CLUH: variants seen among roughly 807,000 people sequenced by gnomAD.
CLUH encodes clustered mitochondria protein homolog.
Under a neutral mutation model 139.3 loss-of-function variants are expected in CLUH, and 77 were observed. That is an observed-to-expected ratio of 0.55 (90% CI 0.46 to 0.67). CLUH has a LOEUF of 0.67. Among genes scored for constraint, CLUH ranks in the 30% least tolerant of loss-of-function variants. The pLI, the probability that CLUH is intolerant of heterozygous loss-of-function variation, is 0.00. For synonymous variants in CLUH, 999 were observed against 801.6 expected (o/e 1.25, Z -4.16); for missense variants, 1,876 against 1,875.8 (o/e 1.00, Z 0.00).
Position 2,695,299 on chromosome 17 carries a change from G to A in CLUH, c.2545-19C>T. ...CGATTTTCTGGAAGGATTCAGAAGGGAGGTCTTGGTCAGGCCCCCGGCCTC... is the reference window on the plus strand; with the variant it reads ...CGATTTTCTGGAAGGATTCAGAAGGAAGGTCTTGGTCAGGCCCCCGGCCTC... On this transcript the variant is annotated intron_variant, in intron 14 of 25. Transcript: ENST00000651024. 6.2e-7 allele frequency: 1 copy of A among 1,613,736 alleles called. No homozygotes were observed. Among genetic ancestry groups the A allele is most frequent in the African/African-American group, 1.3e-5 (1 of 75,044 alleles).
chr17:2,708,111 G>A (rs2070400402), intron 1 of CLUH: 1 of 572,608 alleles, frequency 1.7e-6, no homozygotes, highest in East Asian at 1.4e-4. Flanking sequence ...CGCCTTCCCA[G>A]GGCCTCTGAC....
chr17:2,691,385 A>C (rs1334238540), intron 25 of CLUH, among the ~76,000 whole-genome samples: 5 of 152,092 alleles, frequency 3.3e-5, no homozygotes, highest in African/African-American at 9.7e-5. Context: ...AACGTGGTGA[A>C]ACCCCATCTC....
rs749243306 is a variant in CLUH, at chr17:2,694,982, A to G, written c.2727T>C (p.Asn909=). Reference sequence around the variant, plus strand: ...CCGGGGGCCGGTTTTTCCTCCTCTTATTCCGCTTCTTGGAGACCAGCTCGT... The same window carrying G: ...CCGGGGGCCGGTTTTTCCTCCTCTTGTTCCGCTTCTTGGAGACCAGCTCGT... ...PADELVSKKR[N]KRRKNRPPGA... is the part of the protein sequence containing the mutation. Residue 909 remains asparagine (N), a synonymous_variant, in exon 16 of 26, where the codon AAT becomes AAC. Coordinates refer to ENST00000651024, the MANE Select transcript of CLUH (RefSeq NM_001366661.1). 1.2e-6 allele frequency: 2 copies of G among 1,613,364 alleles called. No homozygotes were observed. Among genetic ancestry groups the G allele is most frequent in the South Asian group, 2.2e-5 (2 of 91,022 alleles).
rs1338180164 is a variant in CLUH, at chr17:2,704,190, G to A, written c.303+172C>T. On this transcript the variant is annotated intron_variant, in intron 2 of 25. Transcript: ENST00000651024. This position sits in a 1 kb window ranked among gnomAD's most constrained non-coding sequence, Gnocchi z 5.7. Reference sequence around the variant, plus strand: ...GCAATGGGGCAACGACCTGACCCTGGGCTCGATTCCCACGTCCACCACGCT... The same window carrying A: ...GCAATGGGGCAACGACCTGACCCTGAGCTCGATTCCCACGTCCACCACGCT... Among the ~76,000 whole-genome samples the A allele has an allele frequency of 1.3e-5, 2 of 152,146 alleles. No individual in the cohort carries two copies. Among genetic ancestry groups the A allele is most frequent in the African/African-American group, 2.4e-5 (1 of 41,416 alleles).
intron 1 of CLUH, among the ~76,000 whole-genome samples, chr17:2,709,082 C>G (rs2070437537): frequency 6.6e-6 from 1 of 152,206 alleles, no homozygotes; most frequent in Non-Finnish European, 1.5e-5. Context: ...ACACCCTTGC[C>G]CCGGCCTGGA....
In CLUH at chr17:2,691,711, G is replaced by C. The variant is rs761930739; in HGVS notation, c.3790-29C>G. The C allele has an allele frequency of 4.4e-6, 7 of 1,607,892 alleles. No homozygotes were observed. The South Asian group carries it at 5.5e-5, about 13-fold the overall frequency. On this transcript the variant is annotated intron_variant, in intron 24 of 25. Transcript: ENST00000651024. ...CGGGGCGGGGAAACCAGCGGTGAGC[G>C]GGGCTCCCGCGCTCGCCGGGCCGGA...
Position 2,711,654 on chromosome 17 carries a change from A to T in CLUH, c.8T>A (p.Ile3Asn). 1 of 984,362 alleles carries T rather than the reference A, an allele frequency of 1.0e-6. No homozygotes were observed. The highest frequency in any genetic ancestry group is 1.2e-6 in the Non-Finnish European group (1 of 829,412). The allele number at this position is 984,362 out of a possible 1,614,324, so 61.0% of individuals were successfully genotyped here. The change falls in exon 1 of 26, where the codon ATC (isoleucine) becomes AAC (asparagine). Residue 3 changes from isoleucine to asparagine, a missense_variant. Ile to Asn is a moderately radical substitution (Grantham distance 149, BLOSUM62 -3). Coordinates refer to ENST00000651024, the MANE Select transcript of CLUH (RefSeq NM_001366661.1). ...GGCCGCCGGCAACTCGTCCGTCTTG[A>T]TAACCATGGTGGCGGGAGCGGGCGT... Reference protein sequence around the residue: MVIKTDELPAAAP... With the variant: MVNKTDELPAAAP...
intron 3 of CLUH, among the ~76,000 whole-genome samples, chr17:2,702,967 G>A (rs1241282531): frequency 1.3e-5 from 2 of 152,152 alleles, no homozygotes; most frequent in African/African-American, 2.4e-5. Context: ...TGGGATTACA[G>A]GCACCTGCCA....
rs377116592 is a variant in CLUH at position 2,695,397 on chromosome 17, G to A, written c.2521C>T (p.Arg841Cys). ...ACAAAGACGTGGTCCAGCTGGTGGC[G>A]GGCCGGGCTCCGCAGCACCAGCTCC... The part of the protein sequence containing the change: ...VLELVLRSPA[R>C]HQLDHVFKIG... The change falls in exon 14 of 26, where the codon CGC becomes TGC. Residue 841 changes from arginine (R) to cysteine (C), a missense_variant. Arg to Cys is a radical substitution (Grantham distance 180). Around this residue, in one of 3 missense-constraint regions of CLUH, gnomAD observed 1,454 missense variants for 1,384.4 expected, o/e 1.05. Transcript: ENST00000651024. 45 of 1,612,708 alleles carry A rather than the reference G, an allele frequency of 2.8e-5. No individual in the cohort carries two copies. The highest frequency in any genetic ancestry group is 2.0e-4 in the Admixed American group (12 of 60,004).
In CLUH at chr17:2,696,795, C is replaced by T; in HGVS notation, c.2109G>A (p.Glu703=). 1 of 1,613,284 alleles carries T rather than the reference C, an allele frequency of 6.2e-7. No individual in the cohort carries two copies. Among genetic ancestry groups the T allele is most frequent in the Non-Finnish European group, 8.5e-7 (1 of 1,179,884 alleles). Residue 703 remains glutamate (E), a synonymous_variant, in exon 11 of 26, where the codon GAG becomes GAA. Coordinates refer to ENST00000651024, the MANE Select transcript of CLUH (RefSeq NM_001366661.1). ...EDPPGQEAGS[E]EEGSSASGLA... is the part of the protein sequence containing the mutation. ...GGCCGCTGGCGCTGCTACCCTCCTC[C>T]TCACTTCCCGCCTCCTGTCCTGGAG...
At position 2,698,239 on chromosome 17, in the gene CLUH, AGAT is replaced by A; in HGVS notation, c.1615_1617del (p.Ile539del). 6.2e-7 allele frequency: 1 copy of A among 1,600,748 alleles called. No individual in the cohort carries two copies. The highest frequency in any genetic ancestry group is 8.5e-7 in the Non-Finnish European group (1 of 1,174,438). On this transcript the variant is annotated inframe_deletion, in exon 10 of 26. Coordinates refer to ENST00000651024, the MANE Select transcript of CLUH (RefSeq NM_001366661.1). ...GTCTTGCCGAAGTCGATGGAGCCGT[AGAT>A]GACGCTCTGCTCCTGGTCCCGCTCC...
Position 2,691,985 on chromosome 17 carries a change from C to CCCCGCCCCCGCCGCG in CLUH, c.3654+18_3654+19insCGCGGCGGGGGCGGG, listed in dbSNP as rs2069694643. The CCCCGCCCCCGCCGCG allele has an allele frequency of 4.9e-5, 15 of 308,618 alleles. No homozygotes were observed. Among genetic ancestry groups the CCCCGCCCCCGCCGCG allele is most frequent in the Non-Finnish European group, 6.0e-5 (15 of 250,120 alleles). The allele number at this position is 308,618 out of a possible 1,614,324, so 19.1% of individuals were successfully genotyped here. ...CGCCCCCGCCCCGCCCCCGCCCCCG[C>CCCCGCCCCCGCCGCG]CACGCCCCCGCCGCGCACCTGCGTC... On this transcript the variant is annotated intron_variant, in intron 23 of 25. Coordinates refer to ENST00000651024, the MANE Select transcript of CLUH (RefSeq NM_001366661.1).
rs769408593 is a variant in CLUH, at chr17:2,698,552, G to A, written c.1305C>T (p.Ala435=). The A allele has an allele frequency of 3.0e-5, 48 of 1,610,272 alleles. No individual in the cohort carries two copies. Among genetic ancestry groups the A allele is most frequent in the South Asian group, 1.1e-5 (1 of 90,796 alleles). ...TCACGTTGCCGTCAATGACGGCCAT[G>A]GCGCCCCTGGTGGCTGCCGCGGTGA... ...SDFTAAATRG[A]MAVIDGNVMA... is the part of the protein sequence containing the mutation. The change falls in exon 10 of 26, where the codon GCC becomes GCT. Residue 435 remains alanine, a synonymous_variant. Transcript: ENST00000651024.
intron 1 of CLUH, among the ~76,000 whole-genome samples, chr17:2,709,012 G>C (rs982576456): frequency 6.6e-6 from 1 of 152,214 alleles, no homozygotes; most frequent in Non-Finnish European, 1.5e-5. Flanking sequence ...GAGCGGGAGA[G>C]CCGTGCCCCA....
rs2070138292 is a variant in CLUH, at chr17:2,700,494, G to A, written c.1174-20C>T. 6.2e-7 allele frequency: 1 copy of A among 1,603,496 alleles called. No homozygotes were observed. Among genetic ancestry groups the A allele is most frequent in the South Asian group, 1.1e-5 (1 of 89,784 alleles). On this transcript the variant is annotated intron_variant, in intron 8 of 25. Transcript: ENST00000651024. ...TCGGGTCTGCAGAGAGATCAGGGAGGGAAAAACGAGCTCAGCCTGTGCCCT... is the reference window on the plus strand; with the variant it reads ...TCGGGTCTGCAGAGAGATCAGGGAGAGAAAAACGAGCTCAGCCTGTGCCCT...
At position 2,692,580 on chromosome 17, in the gene CLUH, C is replaced by T; in HGVS notation, c.3429G>A (p.Ala1143=). ...LVFGEDHPEM[A]LLDNNIGLVL... is the part of the protein sequence containing the mutation. ...CCGCCCCAGCACTCACGTCCAGCAG[C>T]GCCATCTCGGGGTGGTCTTCCCCGA... Residue 1143 remains alanine (A), a synonymous_variant, in exon 21 of 26, where the codon GCG becomes GCA. Coordinates refer to ENST00000651024, the MANE Select transcript of CLUH (RefSeq NM_001366661.1). 1 of 1,611,672 alleles carries T rather than the reference C, an allele frequency of 6.2e-7. No individual in the cohort carries two copies.
rs369927961 is a variant in CLUH at position 2,694,138 on chromosome 17, C to T, written c.3076G>A (p.Ala1026Thr). Residue 1026 changes from alanine to threonine, a missense_variant, in exon 18 of 26, where the codon GCC (alanine) becomes ACC (threonine). By Grantham distance (58) the Ala-to-Thr change is moderately conservative. Transcript: ENST00000651024. Reference sequence around the variant, plus strand: ...GGCCACACACCCTGCTGCACTTTGGCCTGCCCGCTCTGGAAGAAATGGAAG... The same window carrying T: ...GGCCACACACCCTGCTGCACTTTGGTCTGCCCGCTCTGGAAGAAATGGAAG... The part of the protein sequence containing the change: ...DAFHFFQSGQ[A>T]KVQQGFLKEG... The T allele has an allele frequency of 1.2e-5, 19 of 1,613,554 alleles. No homozygotes were observed. The African/African-American group carries it at 2.5e-4, about 22-fold the overall frequency.
upstream of CLUH, chr17:2,711,869 G>C (rs2070533446): frequency 6.5e-6 from 1 of 152,882 alleles, no homozygotes; most frequent in African/African-American, 2.4e-5. Context: ...AAAACGCGCC[G>C]CGCCTGGTTC....
At position 2,697,959 on chromosome 17, in the gene CLUH, CG is replaced by C. The variant is rs1555531014; in HGVS notation, c.1897del (p.Arg633AlafsTer27). 8 of 1,568,010 alleles carry C rather than the reference CG, an allele frequency of 5.1e-6. No homozygotes were observed. The highest frequency in any genetic ancestry group is 1.8e-5 in the Admixed American group (1 of 55,022). ...PEECARAGFP[R>X]AHRHKLCCLR... ...GCAGCAGAGCTTGTGCCGGTGGGCG[CG>C]GGGGAAGCCGGCGCGGGCGCATTCC... On this transcript the variant is annotated frameshift_variant, in exon 10 of 26. Transcript: ENST00000651024. LOFTEE classifies it high-confidence loss of function.
Sources: gnomAD v4.1 joint callset for allele counts (sites outside exome capture counted in the v4.1 genomes callset) on GRCh38, gnomAD v4.1.1 for gene constraint, gnomAD v4.1.1 regional missense constraint, Gnocchi (gnomAD v3.1) non-coding constraint, MANE v1.5 for transcripts, NCBI Gene and HGNC (gene_info 2026-07-23, HGNC 2026-07-21) for gene names.